The following CDC42BPB variants were observed in gnomAD, a reference collection of about 807,000 sequenced individuals.
CDC42BPB encodes CDC42 binding protein kinase beta.
CDC42BPB carries 37 observed loss-of-function variants against 214.9 expected under a neutral mutation model. The observed-to-expected ratio is 0.17, with a 90% confidence interval of 0.13 to 0.23. The LOEUF is 0.23. CDC42BPB is among the 10% of genes least tolerant of loss of function. The pLI is 1.00. For synonymous variants in CDC42BPB, 931 were observed against 884.0 expected (o/e 1.05, Z -0.94); for missense variants, 1,694 against 2,227.0 (o/e 0.76, Z 4.82).
At chr14:102,951,363 G>T (rs1483644969) in intron 24 of CDC42BPB, among the ~76,000 whole-genome samples, 1 of 152,260 alleles carries the variant, frequency 6.6e-6, no homozygotes, top group African/African-American at 2.4e-5. Context: ...GCCAGTGCGA[G>T]TCTGGGCTCC....
rs978254428 is a variant in CDC42BPB, at chr14:102,966,315, A to G, written c.2544T>C (p.Ala848=). 1.2e-6 allele frequency: 2 copies of G among 1,613,954 alleles called. No homozygotes were observed. The highest frequency in any genetic ancestry group is 1.7e-5 in the Admixed American group (1 of 60,010). The part of the protein sequence containing the change: ...LASKMTEELE[A]LRSSSLGSRT... ...TTGACCCCAGACTAGAACTCCTCAA[A>G]GCCTCGAGCTCTTCGGTCATCTTGG... The change falls in exon 18 of 37, where the codon GCT becomes GCC. Residue 848 remains alanine, a synonymous_variant. Coordinates refer to ENST00000361246, the MANE Select transcript of CDC42BPB (RefSeq NM_006035.4).
Position 102,960,645 on chromosome 14 carries a change from A to T in CDC42BPB, c.2822-935T>A, listed in dbSNP as rs139271069. ...AAACACATATCAAAAAACAAGAATC[A>T]AGTGGTTCTTCCCCATGAACAATGG... is the stretch of plus-strand genomic sequence containing the variant. On this transcript the variant is annotated intron_variant, in intron 20 of 36. Coordinates refer to ENST00000361246, the MANE Select transcript of CDC42BPB (RefSeq NM_006035.4). Among the ~76,000 whole-genome samples, 156 of 152,164 alleles carry T rather than the reference A, an allele frequency of 1.0e-3. 1 individual carries two copies. The East Asian group carries it at 0.01, about 10-fold the overall frequency.
chr14:103,057,479 C>T lies in CDC42BPB; in HGVS notation c.-306G>A, dbSNP rs915028378. On this transcript the variant is annotated 5_prime_UTR_variant, in exon 1 of 37. Transcript: ENST00000361246. Reference sequence around the variant, plus strand: ...GCCCCGCCCGCGGCCGCGCCCTCCCCGCCGCCGCCGCCGCAGACTAGGAGC... The same window carrying T: ...GCCCCGCCCGCGGCCGCGCCCTCCCTGCCGCCGCCGCCGCAGACTAGGAGC... 1.6e-5 allele frequency: 3 copies of T among 191,652 alleles called. No homozygotes were observed. The highest frequency in any genetic ancestry group is 7.2e-5 in the African/African-American group (3 of 41,712). The allele number at this position is 191,652 out of a possible 1,614,324, so 11.9% of individuals were successfully genotyped here.
intron 1 of CDC42BPB, among the ~76,000 whole-genome samples, chr14:103,018,331 G>C (rs1406908275): frequency 1.3e-5 from 2 of 152,130 alleles, no homozygotes; most frequent in African/African-American, 4.8e-5. Flanking sequence ...TCTGTTATTT[G>C]CAACTTTTCT....
intron 28 of CDC42BPB, among the ~76,000 whole-genome samples, chr14:102,946,219 T>C (rs1427655534): frequency 6.6e-6 from 1 of 152,120 alleles, no homozygotes; most frequent in Non-Finnish European, 1.5e-5. Flanking sequence ...GAGACAGGGT[T>C]TCACCGTGTT....
chr14:103,000,353 G>A (rs538159386), intron 4 of CDC42BPB, among the ~76,000 whole-genome samples: 66 of 152,356 alleles, frequency 4.3e-4, no homozygotes, highest in African/African-American at 1.4e-3. Flanking sequence ...GGGCGACCCC[G>A]AGGTGAGCCT....
chr14:102,989,203 G>GTACC (rs1179057798), intron 5 of CDC42BPB, among the ~76,000 whole-genome samples: 1 of 152,162 alleles, frequency 6.6e-6, no homozygotes, highest in Non-Finnish European at 1.5e-5. Flanking sequence ...CTACAATTGT[G>GTACC]TACCACCTGT....
chr14:102,986,403 A>C (rs1234507041), intron 6 of CDC42BPB, 84 bp downstream of exon 6: 2 of 847,512 alleles, frequency 2.4e-6, no homozygotes, highest in African/African-American at 3.4e-5. Context: ...TTGGTTTCTT[A>C]ATTGTACCTC....
intron 16 of CDC42BPB, among the ~76,000 whole-genome samples, chr14:102,967,926 T>A (rs562632449): frequency 1.3e-5 from 2 of 152,010 alleles, no homozygotes; most frequent in South Asian, 4.2e-4. Context: ...AAAACCCGTC[T>A]CTACTAAAAA....
intron 2 of CDC42BPB, among the ~76,000 whole-genome samples, chr14:103,011,419 T>G (rs1886152913): frequency 6.6e-6 from 1 of 152,106 alleles, no homozygotes; most frequent in Admixed American, 6.5e-5. Context: ...AAAATTCAAT[T>G]AACAAATGGA....
At chr14:102,997,454 AAAGCTGG>A (rs1321154894) in intron 5 of CDC42BPB, among the ~76,000 whole-genome samples, 1 of 152,240 alleles carries the variant, frequency 6.6e-6, no homozygotes, top group Non-Finnish European at 1.5e-5. Context: ...ACGGCTCGGA[AAAGCTGG>A]GAGCCAGTCC....
chr14:103,053,083 C>A (rs1888698999), intron 1 of CDC42BPB, among the ~76,000 whole-genome samples: 1 of 152,226 alleles, frequency 6.6e-6, no homozygotes, highest in Non-Finnish European at 1.5e-5. Flanking sequence ...GGCGTGGTGG[C>A]TCACGCCTGT....
chr14:103,043,379 C>G (rs765043855), intron 1 of CDC42BPB, among the ~76,000 whole-genome samples: 1 of 152,160 alleles, frequency 6.6e-6, no homozygotes, highest in Non-Finnish European at 1.5e-5. Flanking sequence ...GCACTATATA[C>G]GCTACAACAT....
At chr14:102,951,503 G>A (rs1892489295) in intron 24 of CDC42BPB, among the ~76,000 whole-genome samples, 1 of 151,460 alleles carries the variant, frequency 6.6e-6, no homozygotes, top group East Asian at 1.9e-4. Flanking sequence ...TTAAAAATAT[G>A]ATGGGCTGGG....
At chr14:103,042,576 C>T (rs1888066041) in intron 1 of CDC42BPB, among the ~76,000 whole-genome samples, 1 of 152,212 alleles carries the variant, frequency 6.6e-6, no homozygotes, top group South Asian at 2.1e-4. Flanking sequence ...TCCCAAAGTG[C>T]TAGGATTACA....
chr14:102,940,615 T>G, intron 30 of CDC42BPB: 1 of 622,708 alleles, frequency 1.6e-6, no homozygotes, highest in Non-Finnish European at 2.5e-6. Flanking sequence ...GGTTTTTCAT[T>G]TAGCTCTCAT....
At chr14:102,934,992 A>G (rs559315684) in intron 36 of CDC42BPB, among the ~76,000 whole-genome samples, 3 of 150,304 alleles carry the variant, frequency 2.0e-5, no homozygotes, top group East Asian at 1.9e-4. Flanking sequence ...CCTGGGCTAC[A>G]TGTAGAGTGA....
chr14:103,011,556 C>T (rs907884673), intron 2 of CDC42BPB, among the ~76,000 whole-genome samples: 1 of 151,726 alleles, frequency 6.6e-6, no homozygotes. Context: ...ACCAGCCTGG[C>T]CAACATGGCA....
Position 102,932,708 on chromosome 14 carries a change from G to A in CDC42BPB, c.*1004C>T, listed in dbSNP as rs1891436553. On this transcript the variant is annotated 3_prime_UTR_variant, in exon 37 of 37. Transcript: ENST00000361246. ...TAATCACAAGCCTCTGACGACACAGGGCCACAGAGCTGGTCACTCAACATC... is the reference window on the plus strand; with the variant it reads ...TAATCACAAGCCTCTGACGACACAGAGCCACAGAGCTGGTCACTCAACATC... The A allele has an allele frequency of 1.3e-5, 2 of 152,508 alleles. No homozygotes were observed. The highest frequency in any genetic ancestry group is 4.8e-5 in the African/African-American group (2 of 41,394). 9.4% of individuals were successfully genotyped at this position (152,508 alleles called of 1,614,324 possible).
Sources: allele counts gnomAD v4.1 joint callset (sites outside exome capture counted in the v4.1 genomes callset), GRCh38; gene constraint gnomAD v4.1.1; transcripts MANE v1.5; gene names NCBI Gene and HGNC (gene_info 2026-07-23, HGNC 2026-07-21).